The following SLC22A11 variants were observed in gnomAD, a reference collection of about 807,000 sequenced individuals.
The protein encoded by SLC22A11 is solute carrier family 22 member 11.
A neutral mutation model predicts 49.4 loss-of-function variants in SLC22A11; 42 were observed. That is an observed-to-expected ratio of 0.85 (90% CI 0.66 to 1.10). SLC22A11 has a LOEUF of 1.10. Among genes scored for constraint, SLC22A11 ranks in the 50% least tolerant of loss-of-function variants. The pLI, the probability that SLC22A11 is intolerant of heterozygous loss-of-function variation, is 0.00. For synonymous variants in SLC22A11, 304 were observed against 315.8 expected (o/e 0.96, Z 0.40); for missense variants, 685 against 731.6 (o/e 0.94, Z 0.74).
Position 64,562,112 on chromosome 11 carries a change from G to A in SLC22A11, c.606G>A (p.Val202=), listed in dbSNP as rs748415770. The change falls in exon 3 of 10, where the codon GTG becomes GTA. Residue 202 remains valine (V), a synonymous_variant. Coordinates refer to ENST00000301891, the MANE Select transcript of SLC22A11 (RefSeq NM_018484.4). This position sits in a 1 kb window ranked among gnomAD's most constrained non-coding sequence, Gnocchi z 4.4. The stretch of plus-strand genomic sequence containing the variant: ...TCATCTACTGCGGCCTGCGGTTCGT[G>A]GCCGCTTTTGGGATGGCCGGCATCT... ...TFVIYCGLRF[V]AAFGMAGIFL... 5.0e-6 allele frequency: 8 copies of A among 1,613,740 alleles called. No homozygotes were observed. The highest frequency in any genetic ancestry group is 1.7e-5 in the Admixed American group (1 of 59,996).
intron 9 of SLC22A11, among the ~76,000 whole-genome samples, chr11:64,570,267 C>T (rs965604446): frequency 2.0e-5 from 3 of 152,218 alleles, no homozygotes; most frequent in Non-Finnish European, 2.9e-5. Context: ...ATTTCAGGCC[C>T]AGACAGATCA....
intron 1 of SLC22A11, 33 bp from the exon 2 acceptor site, chr11:64,559,102 C>G (rs941719255): frequency 6.3e-6 from 10 of 1,585,626 alleles, no homozygotes; most frequent in Non-Finnish European, 8.7e-6. Flanking sequence ...TTTCATACCC[C>G]CCGAGCTGAG....
At chr11:64,570,894 A>G (rs1156827744) in intron 9 of SLC22A11, 85 bp from the exon 10 acceptor site, 11 of 1,357,042 alleles carry the variant, frequency 8.1e-6, no homozygotes, top group East Asian at 4.6e-5. Flanking sequence ...TTACCCCCCA[A>G]TAAGACTTGA....
At position 64,562,285 on chromosome 11, in the gene SLC22A11, C is replaced by G. The variant is rs776121725; in HGVS notation, c.671C>G (p.Thr224Ser). 1.2e-6 allele frequency: 2 copies of G among 1,606,094 alleles called. No homozygotes were observed. Among genetic ancestry groups the G allele is most frequent in the South Asian group, 2.2e-5 (2 of 90,556 alleles). Residue 224 changes from threonine (T) to serine (S), a missense_variant, in exon 4 of 10, where the codon ACC becomes AGC. By Grantham distance (58) the Thr-to-Ser change is moderately conservative. Coordinates refer to ENST00000301891, the MANE Select transcript of SLC22A11 (RefSeq NM_018484.4). This position sits in a 1 kb window ranked among gnomAD's most constrained non-coding sequence, Gnocchi z 4.4. ...CCTTCAGTGGTGGAGTGGACCACGA[C>G]CAGCAGGAGGGCGGTCACCATGACG... ...SLTLMVEWTT[T>S]SRRAVTMTVV...
In SLC22A11 at chr11:64,562,018, C is replaced by T. The variant is rs374679250; in HGVS notation, c.512C>T (p.Pro171Leu). 5.2e-5 allele frequency: 84 copies of T among 1,612,782 alleles called. No individual in the cohort carries two copies. The highest frequency in any genetic ancestry group is 3.1e-4 in the African/African-American group (23 of 74,908). Reference sequence around the variant, plus strand: ...TCCTGTGACAGGTTTGGGAGGAAGCCGATGCTGAGCTGGTGCTGCCTGCAG... The same window carrying T: ...TCCTGTGACAGGTTTGGGAGGAAGCTGATGCTGAGCTGGTGCTGCCTGCAG... ...GLLSYRFGRK[P>L]MLSWCCLQLA... Residue 171 changes from proline to leucine, a missense_variant, in exon 3 of 10, where the codon CCG becomes CTG. Physicochemically the swap from Pro to Leu is moderately conservative, Grantham distance 98. Transcript: ENST00000301891. The surrounding 1 kb of genome is among the most constrained non-coding windows in gnomAD (Gnocchi z 4.4).
rs1005470967 is a variant in SLC22A11 at position 64,562,863 on chromosome 11, GCCGCTGT to G, written c.821+431_821+437del. ...CTCTCCCGGTCCCCAAGGCCCCACT[GCCGCTGT>G]CCCCTGGGCTGAGGCTGTGAGCATC... On this transcript the variant is annotated intron_variant, in intron 4 of 9. Coordinates refer to ENST00000301891, the MANE Select transcript of SLC22A11 (RefSeq NM_018484.4). This position sits in a 1 kb window ranked among gnomAD's most constrained non-coding sequence, Gnocchi z 4.4. Among the ~76,000 whole-genome samples the G allele has an allele frequency of 6.6e-5, 10 of 152,200 alleles. No individual in the cohort carries two copies. The highest frequency in any genetic ancestry group is 2.2e-4 in the African/African-American group (9 of 41,434).
chr11:64,559,055 T>A, intron 1 of SLC22A11, 80 bp from the exon 2 acceptor site: 2 of 1,217,054 alleles, frequency 1.6e-6, no homozygotes, highest in Non-Finnish European at 2.4e-6. Context: ...GACCCCAGTG[T>A]GGGTCAGGCG....
intron 9 of SLC22A11, among the ~76,000 whole-genome samples, chr11:64,570,532 A>G (rs2038689462): frequency 6.6e-6 from 1 of 152,166 alleles, no homozygotes; most frequent in East Asian, 1.9e-4. Flanking sequence ...TGCAGCAAGC[A>G]CTCTGGACAT....
Position 64,565,139 on chromosome 11 carries a change from C to A in SLC22A11, c.943-83C>A. On this transcript the variant is annotated intron_variant, in intron 5 of 9. Coordinates refer to ENST00000301891, the MANE Select transcript of SLC22A11 (RefSeq NM_018484.4). The surrounding 1 kb of genome is among the most constrained non-coding windows in gnomAD (Gnocchi z 4.1). ...CAGGACAGGCTCCCCGTCACTCTGG[C>A]CACTTGGACACTGTTCTCTGGCACA... 9.0e-7 allele frequency: 1 copy of A among 1,108,020 alleles called. No homozygotes were observed. Among genetic ancestry groups the A allele is most frequent in the Non-Finnish European group, 1.3e-6 (1 of 779,574 alleles). 68.6% of individuals were successfully genotyped at this position (1,108,020 alleles called of 1,614,324 possible).
chr11:64,568,341 C>T (rs2038656215), intron 7 of SLC22A11, among the ~76,000 whole-genome samples: 1 of 152,194 alleles, frequency 6.6e-6, no homozygotes, highest in African/African-American at 2.4e-5. Context: ...CCGGGCCCGG[C>T]GCTCTCTCCG....
At position 64,571,827 on chromosome 11, in the gene SLC22A11, G is replaced by A. The variant is rs1487232877; in HGVS notation, c.*785G>A. On this transcript the variant is annotated 3_prime_UTR_variant, in exon 10 of 10. Coordinates refer to ENST00000301891, the MANE Select transcript of SLC22A11 (RefSeq NM_018484.4). ...ATGACGCTGCACTGAGGCATGGGGC[G>A]GGGTGCACTGAGGATCCGAGCGAGC... 6.6e-6 allele frequency: 1 copy of A among 152,344 alleles called. No homozygotes were observed. The highest frequency in any genetic ancestry group is 1.5e-5 in the Non-Finnish European group (1 of 68,100). The allele number at this position is 152,344 out of a possible 1,614,324, so 9.4% of individuals were successfully genotyped here. A position where few individuals can be genotyped will look rare whatever the true frequency, so the allele number is the denominator to read the frequency against.
chr11:64,570,457 C>G (rs949459449), intron 9 of SLC22A11, among the ~76,000 whole-genome samples: 1 of 152,178 alleles, frequency 6.6e-6, no homozygotes, highest in Non-Finnish European at 1.5e-5. Flanking sequence ...CCCAGCCTGG[C>G]TCACAGAGTT....
intron 7 of SLC22A11, 115 bp from the exon 8 acceptor site, chr11:64,568,555 G>A (rs1022324190): frequency 1.8e-5 from 15 of 823,626 alleles, no homozygotes; most frequent in Middle Eastern, 2.3e-4. Context: ...CAGCAGGGCC[G>A]GGGACTTGTA....
At chr11:64,560,156 C>A (rs2038523013) in intron 2 of SLC22A11, among the ~76,000 whole-genome samples, 2 of 151,850 alleles carry the variant, frequency 1.3e-5, no homozygotes, top group Non-Finnish European at 2.9e-5. Flanking sequence ...CCTGGCCTCC[C>A]TTCCTCACCC....
chr11:64,556,998 T>C (rs540054406), intron 1 of SLC22A11, among the ~76,000 whole-genome samples: 19 of 152,344 alleles, frequency 1.2e-4, no homozygotes, highest in Non-Finnish European at 2.4e-4. Context: ...TCGGTGATGA[T>C]GGCCCAGATT....
intron 7 of SLC22A11, 44 bp downstream of exon 7, chr11:64,567,857 C>A (rs2038650228): frequency 6.5e-7 from 1 of 1,532,238 alleles, no homozygotes. Context: ...CCTGCTTCCC[C>A]GCCCACCCCA....
intron 4 of SLC22A11, among the ~76,000 whole-genome samples, chr11:64,563,890 T>G (rs2135423301): frequency 6.6e-6 from 1 of 151,642 alleles, no homozygotes; most frequent in South Asian, 2.1e-4. Flanking sequence ...CACTCCAGCC[T>G]GGGTGACAGA....
At position 64,569,845 on chromosome 11, in the gene SLC22A11, G is replaced by T. The variant is rs1393919767; in HGVS notation, c.1576G>T (p.Asp526Tyr). 6.2e-7 allele frequency: 1 copy of T among 1,613,096 alleles called. No homozygotes were observed. The highest frequency in any genetic ancestry group is 8.5e-7 in the Non-Finnish European group (1 of 1,180,012). Reference sequence around the variant, plus strand: ...ACTTCCGCTCCCTGACACTATCCAGGACCTGGAGAGCCAGTGAGTGACCTG... The same window carrying T: ...ACTTCCGCTCCCTGACACTATCCAGTACCTGGAGAGCCAGTGAGTGACCTG... ...QGLPLPDTIQDLESQKSTAAQ... is the reference protein window; with the variant it reads ...QGLPLPDTIQYLESQKSTAAQ... Residue 526 changes from aspartate to tyrosine, a missense_variant, in exon 9 of 10, where the codon GAC (aspartate) becomes TAC (tyrosine). Transcript: ENST00000301891.
At chr11:64,559,016 C>A in intron 1 of SLC22A11, 119 bp from the exon 2 acceptor site, 1 of 829,716 alleles carries the variant, frequency 1.2e-6, no homozygotes, top group Non-Finnish European at 2.1e-6. Flanking sequence ...GTCCTCTCTA[C>A]CTCTGTGACC....
Sources: allele counts gnomAD v4.1 joint callset (sites outside exome capture counted in the v4.1 genomes callset), GRCh38; gene constraint gnomAD v4.1.1; non-coding constraint Gnocchi (gnomAD v3.1); transcripts MANE v1.5; gene names NCBI Gene and HGNC (gene_info 2026-07-23, HGNC 2026-07-21).